Variants in LHFPL3 observed in about 807,000 individuals in gnomAD.
LHFPL3 encodes LHFPL tetraspan subfamily member 3 protein.
Under a neutral mutation model 19.3 loss-of-function variants are expected in LHFPL3, and 5 were observed. The ratio of observed to expected loss-of-function variants is 0.26; its 90% CI spans 0.14 to 0.54. LHFPL3 has a LOEUF of 0.54. Ranked by LOEUF, LHFPL3 falls within the 20% of genes least tolerant of loss-of-function variation. The probability of loss-of-function intolerance (pLI) is 0.94; values close to 1 mark genes in which losing one functional copy is unlikely to be tolerated. For synonymous variants in LHFPL3, 133 were observed against 126.2 expected, an observed-to-expected ratio of 1.05 and a Z score of -0.36; for missense variants, 249 against 307.4, an observed-to-expected ratio of 0.81 and a Z score of 1.42.
At chr7:104,826,029 G>C (rs1790812238) in intron 2 of LHFPL3, among the ~76,000 whole-genome samples, 1 of 151,930 alleles carries the variant, frequency 6.6e-6, no homozygotes, top group Non-Finnish European at 1.5e-5. Flanking sequence ...TGGATATTGG[G>C]TAATTAATTA....
intron 1 of LHFPL3, among the ~76,000 whole-genome samples, chr7:104,555,728 T>G (rs940652614): frequency 1.1e-4 from 16 of 152,088 alleles, no homozygotes; most frequent in Non-Finnish European, 1.5e-5. Context: ...TTCTCAACAG[T>G]CTCCCAAAGT....
intron 2 of LHFPL3, among the ~76,000 whole-genome samples, chr7:104,861,627 G>A (rs2116636662): frequency 6.6e-6 from 1 of 152,262 alleles, no homozygotes; most frequent in South Asian, 2.1e-4. Flanking sequence ...CCTGGCAGAA[G>A]TGGTGGCCTT....
At chr7:104,628,361 C>G (rs1584448930) in intron 1 of LHFPL3, among the ~76,000 whole-genome samples, 1 of 152,152 alleles carries the variant, frequency 6.6e-6, no homozygotes, top group East Asian at 1.9e-4. Flanking sequence ...GATAGCACAA[C>G]AGAAATCAAA....
intron 2 of LHFPL3, among the ~76,000 whole-genome samples, chr7:104,761,977 GCA>G (rs1188289440): frequency 6.6e-6 from 1 of 152,134 alleles, no homozygotes; most frequent in Non-Finnish European, 1.5e-5. Flanking sequence ...CTTACTTATA[GCA>G]CAGTGATTCT....
At chr7:104,448,116 C>T (rs1792366117) in intron 1 of LHFPL3, among the ~76,000 whole-genome samples, 1 of 151,920 alleles carries the variant, frequency 6.6e-6, no homozygotes, top group African/African-American at 2.4e-5. Flanking sequence ...GTTATATTTC[C>T]CCCCTCAAGT....
intron 1 of LHFPL3, among the ~76,000 whole-genome samples, chr7:104,597,761 T>C (rs959057234): frequency 5.9e-5 from 9 of 152,220 alleles, no homozygotes; most frequent in African/African-American, 1.9e-4. Flanking sequence ...CTCCCTTTGC[T>C]TATATGTGAG....
In LHFPL3 at chr7:104,669,288, A is replaced by G. The variant is rs1792425715; in HGVS notation, c.446-67387A>G. 6 of 1,613,886 alleles carry G rather than the reference A, an allele frequency of 3.7e-6. No individual in the cohort carries two copies. In the Admixed American group the frequency reaches 5.0e-5, roughly 13 times the overall value. ...GTGGGGGAAAAGTAGCTCCAGCTCA[A>G]CCATCTGAGGAAGGACCAGGAAGGA... is the stretch of plus-strand genomic sequence containing the variant. On this transcript the variant is annotated intron_variant, in intron 1 of 2. Transcript: ENST00000424859.
chr7:104,688,514 C>T (rs1413071011), intron 1 of LHFPL3, among the ~76,000 whole-genome samples: 2 of 152,186 alleles, frequency 1.3e-5, no homozygotes, highest in Admixed American at 6.5e-5. Context: ...GCTGAGGACA[C>T]TGAGCTTGTA....
Position 104,328,772 on chromosome 7 carries a change from G to C in LHFPL3, c.-8G>C, listed in dbSNP as rs1801512739. On this transcript the variant is annotated 5_prime_UTR_variant, in exon 1 of 3. Coordinates refer to ENST00000424859, the MANE Select transcript of LHFPL3 (RefSeq NM_199000.3). This position sits in a 1 kb window ranked among gnomAD's most constrained non-coding sequence, Gnocchi z 4.6. ...AGGAGGAGGAGGAGGAGGAGGAGGA[G>C]GGGGAGAATGCCCGGAGCCGCCGCC... 18 of 1,572,898 alleles carry C rather than the reference G, an allele frequency of 1.1e-5. No homozygotes were observed. The Admixed American group carries it at 2.4e-4, about 21-fold the overall frequency.
chr7:104,391,257 C>T (rs1394437573), intron 1 of LHFPL3, among the ~76,000 whole-genome samples: 1 of 152,152 alleles, frequency 6.6e-6, no homozygotes, highest in East Asian at 1.9e-4. Flanking sequence ...GAAGTCCTTG[C>T]CCATGCCTAT....
At chr7:104,560,977 T>G (rs1454179171) in intron 1 of LHFPL3, among the ~76,000 whole-genome samples, 2 of 150,224 alleles carry the variant, frequency 1.3e-5, no homozygotes, top group Non-Finnish European at 2.9e-5. Context: ...TCAGTTTCCA[T>G]GTAGTTGAGC....
At chr7:104,614,683 CTTT>C (rs879934075) in intron 1 of LHFPL3, among the ~76,000 whole-genome samples, 7,321 of 94,730 alleles carry the variant, frequency 0.077, 656 homozygotes, top group African/African-American at 0.087. Flanking sequence ...TTCCTTCCTT[CTTT>C]CTTTCTTTCT....
chr7:104,377,142 A>T (rs984040317), intron 1 of LHFPL3, among the ~76,000 whole-genome samples: 1 of 152,204 alleles, frequency 6.6e-6, no homozygotes, highest in African/African-American at 2.4e-5. Context: ...GACTGGATGC[A>T]TTCTGACATC....
At chr7:104,598,173 T>C (rs1790899766) in intron 1 of LHFPL3, among the ~76,000 whole-genome samples, 1 of 152,200 alleles carries the variant, frequency 6.6e-6, no homozygotes, top group Admixed American at 6.5e-5. Context: ...TAATCCTGCT[T>C]GTGCCTTAAT....
At chr7:104,597,959 G>A (rs1021965248) in intron 1 of LHFPL3, among the ~76,000 whole-genome samples, 5 of 152,158 alleles carry the variant, frequency 3.3e-5, no homozygotes, top group African/African-American at 9.7e-5. Flanking sequence ...GAATTCTGCT[G>A]ACATTGAAGC....
chr7:104,791,425 T>A (rs1790021708), intron 2 of LHFPL3, among the ~76,000 whole-genome samples: 1 of 152,248 alleles, frequency 6.6e-6, no homozygotes, highest in Non-Finnish European at 1.5e-5. Flanking sequence ...ATTGGTCCCC[T>A]ACTTAGATGC....
At chr7:104,505,955 A>T (rs1292385763) in intron 1 of LHFPL3, among the ~76,000 whole-genome samples, 2 of 152,196 alleles carry the variant, frequency 1.3e-5, no homozygotes, top group South Asian at 2.1e-4. Flanking sequence ...TTAATTACAC[A>T]TAATACATAG....
At chr7:104,902,794 C>G (rs1459405705) in intron 2 of LHFPL3, among the ~76,000 whole-genome samples, 1 of 152,022 alleles carries the variant, frequency 6.6e-6, no homozygotes, top group Non-Finnish European at 1.5e-5. Flanking sequence ...TCAAGAAAAA[C>G]AAAAAGAGTG....
chr7:104,421,053 A>G (rs1791722978), intron 1 of LHFPL3, among the ~76,000 whole-genome samples: 1 of 152,198 alleles, frequency 6.6e-6, no homozygotes, highest in East Asian at 1.9e-4. Flanking sequence ...GGTCCTTGCT[A>G]TTTGTTGATG....
Sources: allele counts gnomAD v4.1 joint callset (sites outside exome capture counted in the v4.1 genomes callset), GRCh38; gene constraint gnomAD v4.1.1; non-coding constraint Gnocchi (gnomAD v3.1); transcripts MANE v1.5; gene names NCBI Gene and HGNC (gene_info 2026-07-23, HGNC 2026-07-21).